TEPSIN: variants seen among roughly 807,000 people sequenced by gnomAD.
TEPSIN encodes TEPSIN adaptor related protein complex 4 accessory protein, also known as AP-4 complex accessory subunit tepsin.
TEPSIN carries 50 observed loss-of-function variants against 48.5 expected under a neutral mutation model. That is an observed-to-expected ratio of 1.03 (90% CI 0.82 to 1.31). The LOEUF (loss-of-function observed/expected upper bound fraction) is 1.31. Ranked by LOEUF, TEPSIN falls within the 50% of genes most tolerant of loss-of-function variation. The pLI is 0.00. For missense variants in TEPSIN, 838 were observed against 815.9 expected (o/e 1.03, Z -0.33); for synonymous variants, 392 against 358.8 (o/e 1.09, Z -1.05).
In TEPSIN at chr17:81,230,463, G is replaced by A. The variant is rs1015858921; in HGVS notation, c.1233+81C>T. The A allele has an allele frequency of 1.0e-5, 16 of 1,556,794 alleles. No homozygotes were observed. Among genetic ancestry groups the A allele is most frequent in the Non-Finnish European group, 1.4e-5 (16 of 1,151,102 alleles). On this transcript the variant is annotated intron_variant, in intron 12 of 12. Transcript: ENST00000637944. This position sits in a 1 kb window ranked among gnomAD's most constrained non-coding sequence, Gnocchi z 4.2. ...AAGGGCTGACCAGGCGCCGGGCAGGGACGGGGTGGCCGTGGACTGCAGCGT... is the reference window on the plus strand; with the variant it reads ...AAGGGCTGACCAGGCGCCGGGCAGGAACGGGGTGGCCGTGGACTGCAGCGT...
At position 81,234,567 on chromosome 17, in the gene TEPSIN, C is replaced by T. The variant is rs1483681789; in HGVS notation, c.308-519G>A. On this transcript the variant is annotated intron_variant, in intron 4 of 12. Coordinates refer to ENST00000637944, the MANE Select transcript of TEPSIN (RefSeq NM_001363764.2). The surrounding 1 kb of genome is among the most constrained non-coding windows in gnomAD (Gnocchi z 5.4). The stretch of plus-strand genomic sequence containing the variant: ...CCCCCCAAGCCTACACCTGGGGCCG[C>T]GGCATCCTTTCAGGGCTCAGGCTGA... Among the ~76,000 whole-genome samples, 6 of 152,114 alleles carry T rather than the reference C, an allele frequency of 3.9e-5. No individual in the cohort carries two copies. The highest frequency in any genetic ancestry group is 2.4e-5 in the African/African-American group (1 of 41,414).
intron 8 of TEPSIN, 109 bp downstream of exon 8, chr17:81,232,206 C>T (rs1203924426): frequency 7.4e-7 from 1 of 1,350,442 alleles, no homozygotes; most frequent in Non-Finnish European, 9.8e-7. Flanking sequence ...GGGTCCCACC[C>T]CTCCTGCTGT....
chr17:81,231,670 A>T lies in TEPSIN; in HGVS notation c.927T>A (p.Ser309Arg). 1 of 1,612,180 alleles carries T rather than the reference A, an allele frequency of 6.2e-7. No homozygotes were observed. The highest frequency in any genetic ancestry group is 8.5e-7 in the Non-Finnish European group (1 of 1,179,378). Residue 309 changes from serine to arginine, a missense_variant, in exon 10 of 13, where the codon AGT (serine) becomes AGA (arginine). Coordinates refer to ENST00000637944, the MANE Select transcript of TEPSIN (RefSeq NM_001363764.2). ...CCAAGCTCAACTCCTGCTGACAGTC[A>T]CTCAGGGCCACCACCTCGACCCTGC... ...LAERVEVVAL[S>R]DCQQELSLVR...
chr17:81,237,230 C>A (rs2062739485), intron 2 of TEPSIN, 157 bp downstream of exon 2: 1 of 1,164,458 alleles, frequency 8.6e-7, no homozygotes, highest in Admixed American at 2.1e-5. Context: ...CCTGTGTCAT[C>A]AGTATTGCAG....
chr17:81,238,109 T>C, intron 1 of TEPSIN: 1 of 985,930 alleles, frequency 1.0e-6, no homozygotes, highest in Non-Finnish European at 1.2e-6. Flanking sequence ...AGGACAAGCA[T>C]GGGACCCACC....
In TEPSIN at chr17:81,238,993, A is replaced by G. The variant is rs775050180; in HGVS notation, c.41T>C (p.Leu14Pro). 4.7e-6 allele frequency: 7 copies of G among 1,485,620 alleles called. No individual in the cohort carries two copies. The highest frequency in any genetic ancestry group is 2.2e-4 in the Middle Eastern group (1 of 4,462). The allele number at this position is 1,485,620 out of a possible 1,614,324, so 92.0% of individuals were successfully genotyped here. Residue 14 changes from leucine to proline, a missense_variant, in exon 1 of 13, where the codon CTA becomes CCA. By Grantham distance (98) the Leu-to-Pro change is moderately conservative (BLOSUM62 -3). Coordinates refer to ENST00000637944, the MANE Select transcript of TEPSIN (RefSeq NM_001363764.2). ...CGGACCGCCCTCACTCACCCGGTGT[A>G]GAAAGCTCAGGCGGTCCCGTAGCGG... Reference protein sequence around the residue: ...APPLRDRLSFLHRLPILLKGT... With the variant: ...APPLRDRLSFPHRLPILLKGT...
At chr17:81,231,357 A>G in intron 11 of TEPSIN, 41 bp downstream of exon 11, 1 of 1,500,290 alleles carries the variant, frequency 6.7e-7, no homozygotes, top group South Asian at 1.3e-5. Context: ...ACACAGGCAC[A>G]TGCACACAGT....
In TEPSIN at chr17:81,230,505, T is replaced by C. The variant is rs2062570273; in HGVS notation, c.1233+39A>G. The C allele has an allele frequency of 6.2e-7, 1 of 1,606,426 alleles. No homozygotes were observed. The highest frequency in any genetic ancestry group is 8.5e-7 in the Non-Finnish European group (1 of 1,178,038). ...CTGCAGCGTATCTCCCACTGTACCC[T>C]TGGACCCCGGTGTGCGTGTGGCCTC... is the stretch of plus-strand genomic sequence containing the variant. On this transcript the variant is annotated intron_variant, in intron 12 of 12. Transcript: ENST00000637944. The surrounding 1 kb of genome is among the most constrained non-coding windows in gnomAD (Gnocchi z 4.2).
chr17:81,238,892 C>A (rs2062774779), intron 1 of TEPSIN, 94 bp downstream of exon 1: 2 of 1,369,020 alleles, frequency 1.5e-6, no homozygotes, highest in Non-Finnish European at 1.9e-6. Context: ...CGCGGAGACG[C>A]AAGGTCAATG....
Position 81,231,865 on chromosome 17 carries a change from G to A in TEPSIN, c.887C>T (p.Pro296Leu), listed in dbSNP as rs143078481. The A allele has an allele frequency of 4.7e-5, 76 of 1,613,322 alleles. No homozygotes were observed. The highest frequency in any genetic ancestry group is 3.9e-4 in the African/African-American group (29 of 74,914). ...SDSHSGASREPGDLAERVEVV... is the reference protein window; with the variant it reads ...SDSHSGASRELGDLAERVEVV... ...CGCTCACCTTTCTGCCAGGTCACCC[G>A]GCTCCCGGCTGGCCCCTGAATGGCT... The change falls in exon 9 of 13, where the codon CCG (proline) becomes CTG (leucine). Residue 296 changes from proline to leucine, a missense_variant. Coordinates refer to ENST00000637944, the MANE Select transcript of TEPSIN (RefSeq NM_001363764.2).
At position 81,232,314 on chromosome 17, in the gene TEPSIN, C is replaced by T; in HGVS notation, c.730+1G>A. The T allele has an allele frequency of 6.6e-7, 1 of 1,525,258 alleles. No homozygotes were observed. 94.5% of individuals were successfully genotyped at this position (1,525,258 alleles called of 1,614,324 possible). Reference sequence around the variant, plus strand: ...AAGGGGAGGAGCCCTCGCCTCGATACCTCGGGGACCTGGAATGGCCCCGGG... The same window carrying T: ...AAGGGGAGGAGCCCTCGCCTCGATATCTCGGGGACCTGGAATGGCCCCGGG... On this transcript the variant is annotated splice_donor_variant, in intron 8 of 12. Coordinates refer to ENST00000637944, the MANE Select transcript of TEPSIN (RefSeq NM_001363764.2). LOFTEE classifies it high-confidence loss of function.
chr17:81,231,311 G>T, intron 11 of TEPSIN, 87 bp downstream of exon 11: 2 of 1,331,950 alleles, frequency 1.5e-6, no homozygotes, highest in Non-Finnish European at 2.0e-6. Context: ...GTGCACACAG[G>T]CACACGTGCA....
chr17:81,235,512 G>C (rs2062705093), intron 4 of TEPSIN, among the ~76,000 whole-genome samples: 1 of 152,222 alleles, frequency 6.6e-6, no homozygotes, highest in African/African-American at 2.4e-5. Context: ...GCACAGGAGA[G>C]ACTCTGGTGC....
chr17:81,238,132 G>A (rs911532519), intron 1 of TEPSIN: 3 of 985,522 alleles, frequency 3.0e-6, no homozygotes, highest in African/African-American at 3.5e-5. Context: ...GTGAGGTGCC[G>A]AAGCCTTTCG....
chr17:81,235,777 C>G (rs1207979415), intron 4 of TEPSIN, among the ~76,000 whole-genome samples: 1 of 152,202 alleles, frequency 6.6e-6, no homozygotes, highest in Non-Finnish European at 1.5e-5. Flanking sequence ...GGCGAGAGCA[C>G]CCCCGCACTG....
At chr17:81,232,272 G>A (rs778625019) in intron 8 of TEPSIN, 43 bp downstream of exon 8, 6 of 1,473,216 alleles carry the variant, frequency 4.1e-6, no homozygotes, top group South Asian at 1.3e-5. Context: ...GTGACAGGAA[G>A]GAGTGACCCA....
rs746838181 is a variant in TEPSIN, at chr17:81,234,059, G to C, written c.308-11C>G. On this transcript the variant is annotated splice_polypyrimidine_tract_variant and intron_variant, in intron 4 of 12. Coordinates refer to ENST00000637944, the MANE Select transcript of TEPSIN (RefSeq NM_001363764.2). The surrounding 1 kb of genome is among the most constrained non-coding windows in gnomAD (Gnocchi z 5.4). ...GGGGCCCTGCAAAAGCTGCAGAACA[G>C]AAAAGGCAAGTCGGGGGCAGGGCTG... 2.5e-6 allele frequency: 4 copies of C among 1,582,776 alleles called. No homozygotes were observed. Among genetic ancestry groups the C allele is most frequent in the Non-Finnish European group, 3.4e-6 (4 of 1,168,944 alleles).
At chr17:81,232,885 C>T (rs150745548) in intron 7 of TEPSIN, 10 of 244,682 alleles carry the variant, frequency 4.1e-5, no homozygotes, top group African/African-American at 9.0e-5. Flanking sequence ...GAAGCTGCCC[C>T]GACACCAAAG....
At chr17:81,231,313 A>G (rs2062599814) in intron 11 of TEPSIN, 85 bp downstream of exon 11, 1 of 1,315,900 alleles carries the variant, frequency 7.6e-7, no homozygotes. Flanking sequence ...GCACACAGGC[A>G]CACGTGCACA....
Sources: allele counts gnomAD v4.1 joint callset (sites outside exome capture counted in the v4.1 genomes callset), GRCh38; gene constraint gnomAD v4.1.1; non-coding constraint Gnocchi (gnomAD v3.1); transcripts MANE v1.5; gene names NCBI Gene and HGNC (gene_info 2026-07-23, HGNC 2026-07-21).